RBM19: variants seen among roughly 807,000 people sequenced by gnomAD.
The protein encoded by RBM19 is probable RNA-binding protein 19.
RBM19 carries 94 observed loss-of-function variants against 116.8 expected under a neutral mutation model. The observed-to-expected ratio is 0.80, with a 90% CI of 0.68 to 0.95. The LOEUF is 0.95. Among genes scored for constraint, RBM19 ranks in the 40% least tolerant of loss-of-function variants. RBM19 has a pLI of 0.00. For missense variants in RBM19, 1,161 were observed against 1,220.7 expected, an observed-to-expected ratio of 0.95 and a Z score of 0.73; for synonymous variants, 475 against 494.1, an observed-to-expected ratio of 0.96 and a Z score of 0.51.
At chr12:113,857,311 C>G (rs953210593) in intron 22 of RBM19, among the ~76,000 whole-genome samples, 3 of 152,238 alleles carry the variant, frequency 2.0e-5, no homozygotes, top group African/African-American at 7.2e-5. Flanking sequence ...GTACTGGTAT[C>G]GAGTACCCAC....
chr12:113,944,361 G>A (rs1200829490), intron 13 of RBM19, among the ~76,000 whole-genome samples: 2 of 151,876 alleles, frequency 1.3e-5, no homozygotes, highest in Non-Finnish European at 2.9e-5. Context: ...GCCTTCCAAA[G>A]AGCTCGGTTT....
chr12:113,927,839 C>T (rs114475823), intron 16 of RBM19, among the ~76,000 whole-genome samples: 2,427 of 152,128 alleles, frequency 0.016, 73 homozygotes, highest in African/African-American at 0.054. Context: ...CAGGGAAAAA[C>T]GGAAAATACT....
chr12:113,819,994 A>C (rs1874306170), downstream of RBM19, among the ~76,000 whole-genome samples: 1 of 146,474 alleles, frequency 6.8e-6, no homozygotes, highest in African/African-American at 2.5e-5. Context: ...TCTTGCTCAC[A>C]CTCCAGGTTG....
At chr12:113,861,515 A>T (rs1287424788) in intron 21 of RBM19, among the ~76,000 whole-genome samples, 15 of 61,716 alleles carry the variant, frequency 2.4e-4, no homozygotes, top group East Asian at 8.5e-4. Context: ...TGTGTGTGTG[A>T]AGGAGAGAAG....
intron 23 of RBM19, among the ~76,000 whole-genome samples, chr12:113,831,943 G>T (rs960245109): frequency 3.3e-5 from 5 of 152,142 alleles, no homozygotes; most frequent in Non-Finnish European, 7.4e-5. Context: ...TCTGATCATG[G>T]CTCCCTGCAT....
chr12:113,964,627 A>G (rs1872726220), intron 1 of RBM19, among the ~76,000 whole-genome samples: 1 of 152,222 alleles, frequency 6.6e-6, no homozygotes, highest in African/African-American at 2.4e-5. Flanking sequence ...AGATTATAAC[A>G]GGATAATTAA....
intron 23 of RBM19, among the ~76,000 whole-genome samples, chr12:113,837,394 T>A (rs1249215116): frequency 1.3e-5 from 2 of 152,164 alleles, no homozygotes; most frequent in Non-Finnish European, 2.9e-5. Flanking sequence ...AGTGGGAGTA[T>A]TTTTGGCAAC....
rs56291800 is a variant in RBM19, at chr12:113,894,310, C to T, written c.2558+20659G>A. Among the ~76,000 whole-genome samples the T allele has an allele frequency of 6.9e-3, 1,051 of 152,324 alleles. 21 individuals carry two copies. Among genetic ancestry groups the T allele is most frequent in the African/African-American group, 0.024 (997 of 41,564 alleles). On this transcript the variant is annotated intron_variant, in intron 21 of 23. Coordinates refer to ENST00000261741, the MANE Select transcript of RBM19 (RefSeq NM_016196.4). Reference sequence around the variant, plus strand: ...CAAAAAATAAGTTTGTGCTATATTACTGAGTAAAACTGATGCTGCAAGAGG... The same window carrying T: ...CAAAAAATAAGTTTGTGCTATATTATTGAGTAAAACTGATGCTGCAAGAGG...
At chr12:113,904,417 G>A (rs1005024227) in intron 21 of RBM19, among the ~76,000 whole-genome samples, 32 of 152,282 alleles carry the variant, frequency 2.1e-4, no homozygotes, top group African/African-American at 7.7e-4. Flanking sequence ...ACTTGTGCAG[G>A]GTTTTATAGC....
At chr12:113,843,219 C>T (rs1338890287) in intron 23 of RBM19, among the ~76,000 whole-genome samples, 4 of 152,218 alleles carry the variant, frequency 2.6e-5, no homozygotes, top group African/African-American at 9.7e-5. Context: ...GGAATAATCA[C>T]TCCTGGCTCC....
chr12:113,844,350 A>T, intron 23 of RBM19, among the ~76,000 whole-genome samples: 1 of 152,244 alleles, frequency 6.6e-6, no homozygotes, highest in Non-Finnish European at 1.5e-5. Flanking sequence ...GTGACCTGGC[A>T]ACCTGGCAGG....
chr12:113,823,086 C>A lies in RBM19; in HGVS notation c.*138G>T. On this transcript the variant is annotated 3_prime_UTR_variant, in exon 24 of 24. Coordinates refer to ENST00000261741, the MANE Select transcript of RBM19 (RefSeq NM_016196.4). ...GGCCTTCCTCATCCCCTGTCTCCTCCGACCTTGGACCAGTGCAGGGTGGGG... is the reference window on the plus strand; with the variant it reads ...GGCCTTCCTCATCCCCTGTCTCCTCAGACCTTGGACCAGTGCAGGGTGGGG... The A allele has an allele frequency of 1.4e-6, 1 of 740,212 alleles. No individual in the cohort carries two copies. The allele number at this position is 740,212 out of a possible 1,614,324, so 45.9% of individuals were successfully genotyped here. A position where few individuals can be genotyped will look rare whatever the true frequency, so the allele number is the denominator to read the frequency against.
downstream of RBM19, among the ~76,000 whole-genome samples, chr12:113,820,328 C>T (rs543297550): frequency 5.3e-5 from 8 of 150,986 alleles, no homozygotes; most frequent in Admixed American, 5.3e-4. Context: ...TTGGGTTGGA[C>T]AAGCGTGATT....
chr12:113,825,333 G>A lies in RBM19; in HGVS notation c.2786-2012C>T, dbSNP rs1198682510. 6.6e-6 allele frequency among the ~76,000 whole-genome samples: 1 copy of A among 152,086 alleles called. No individual in the cohort carries two copies. The highest frequency in any genetic ancestry group is 2.4e-5 in the African/African-American group (1 of 41,358). On this transcript the variant is annotated intron_variant, in intron 23 of 23. Transcript: ENST00000261741. This position sits in a 1 kb window ranked among gnomAD's most constrained non-coding sequence, Gnocchi z 5.7. Reference sequence around the variant, plus strand: ...AATCATGAAAAGGGAGAGGGGGACAGGGTGGGCTGGGGTGGTGGGGGCTGG... The same window carrying A: ...AATCATGAAAAGGGAGAGGGGGACAAGGTGGGCTGGGGTGGTGGGGGCTGG...
intron 19 of RBM19, among the ~76,000 whole-genome samples, chr12:113,919,764 G>A (rs1052134779): frequency 6.6e-6 from 1 of 152,030 alleles, no homozygotes; most frequent in African/African-American, 2.4e-5. Context: ...TGTCCAAACA[G>A]CTTTCGGTTC....
Position 113,860,100 on chromosome 12 carries a change from C to G in RBM19, c.2559-1204G>C, listed in dbSNP as rs186746755. Among the ~76,000 whole-genome samples, 443 of 152,358 alleles carry G rather than the reference C, an allele frequency of 2.9e-3. 2 individuals carry two copies. Among genetic ancestry groups the G allele is most frequent in the Admixed American group, 6.8e-3 (104 of 15,308 alleles). ...GCTCTCCCCAGCAGCTCTGCTCCCC[C>G]CTCCTGGTGCCTCCTCTGTGCAGGC... is the stretch of plus-strand genomic sequence containing the variant. On this transcript the variant is annotated intron_variant, in intron 21 of 23. Transcript: ENST00000261741.
chr12:113,930,640 C>T (rs115768378), intron 16 of RBM19, among the ~76,000 whole-genome samples: 1,765 of 152,350 alleles, frequency 0.012, 37 homozygotes, highest in African/African-American at 0.04. Flanking sequence ...TCGGGAGGAA[C>T]ACCCAGCTTA....
rs566340240 is a variant in RBM19, at chr12:113,855,107, G to A, written c.2664+3684C>T. On this transcript the variant is annotated intron_variant, in intron 22 of 23. Transcript: ENST00000261741. ...CCCTCGAGGATATGCACAGTGGGAC[G>A]TGGGTCTCATGGAGAAGGGTCAGAC... Among the ~76,000 whole-genome samples, 17 of 152,316 alleles carry A rather than the reference G, an allele frequency of 1.1e-4. No individual in the cohort carries two copies. In the South Asian group the frequency reaches 3.3e-3, roughly 30 times the overall value.
At chr12:113,950,808 A>C (rs192980910) in intron 8 of RBM19, among the ~76,000 whole-genome samples, 1 of 152,076 alleles carries the variant, frequency 6.6e-6, no homozygotes, top group Admixed American at 6.5e-5. Flanking sequence ...GGCTGTTTAG[A>C]TTCTTTCTGT....
Sources: gnomAD v4.1 joint callset for allele counts (sites outside exome capture counted in the v4.1 genomes callset) on GRCh38, gnomAD v4.1.1 for gene constraint, Gnocchi (gnomAD v3.1) non-coding constraint, MANE v1.5 for transcripts, NCBI Gene and HGNC (gene_info 2026-07-23, HGNC 2026-07-21) for gene names.